Variants in VCPIP1 observed in about 807,000 individuals in gnomAD.
VCPIP1 encodes valosin containing protein interacting protein 1.
Under a neutral mutation model 85.0 loss-of-function variants are expected in VCPIP1, and 8 were observed. That is an observed-to-expected ratio of 0.09 (90% CI 0.06 to 0.17). The LOEUF is 0.17. Ranked by LOEUF, VCPIP1 falls within the 10% of genes least tolerant of loss-of-function variation. The pLI, the probability that VCPIP1 is intolerant of heterozygous loss-of-function variation, is 1.00. For synonymous variants in VCPIP1, 543 were observed against 544.5 expected (o/e 1.00, Z 0.04); for missense variants, 1,070 against 1,486.3 (o/e 0.72, Z 4.61).
intron 2 of VCPIP1, among the ~76,000 whole-genome samples, chr8:66,643,963 G>A (rs887562117): frequency 9.4e-5 from 14 of 148,962 alleles, no homozygotes; most frequent in African/African-American, 3.4e-4. Flanking sequence ...GACATTAAAA[G>A]GACAATAGGG....
chr8:66,645,441 G>T (rs1810985732), intron 2 of VCPIP1, among the ~76,000 whole-genome samples: 1 of 151,830 alleles, frequency 6.6e-6, no homozygotes, highest in African/African-American at 2.4e-5. Flanking sequence ...AAAAGAAAAA[G>T]AAAGCCAATT....
chr8:66,647,782 G>A (rs569400582), intron 2 of VCPIP1, among the ~76,000 whole-genome samples: 3 of 152,120 alleles, frequency 2.0e-5, no homozygotes, highest in South Asian at 4.1e-4. Context: ...ATTAAAAAAT[G>A]AACCTTAACT....
At chr8:66,651,994 C>T (rs1266029758) in intron 1 of VCPIP1, among the ~76,000 whole-genome samples, 2 of 140,664 alleles carry the variant, frequency 1.4e-5, no homozygotes, top group Admixed American at 7.4e-5. Flanking sequence ...GGCAACATGG[C>T]GAAACTCTAT....
At position 66,664,600 on chromosome 8, in the gene VCPIP1, A is replaced by T. The variant is rs1434711176; in HGVS notation, c.2359T>A (p.Ser787Thr). The T allele has an allele frequency of 6.2e-7, 1 of 1,614,120 alleles. No individual in the cohort carries two copies. Among genetic ancestry groups the T allele is most frequent in the Non-Finnish European group, 8.5e-7 (1 of 1,180,006 alleles). The change falls in exon 1 of 3, where the codon TCC becomes ACC. Residue 787 changes from serine (S) to threonine (T), a missense_variant. Ser to Thr is a moderately conservative substitution (Grantham distance 58, BLOSUM62 1). This residue lies in a region of VCPIP1 where 278 missense variants were observed against 298.5 expected (regional missense o/e 0.93). Coordinates refer to ENST00000310421, the MANE Select transcript of VCPIP1 (RefSeq NM_025054.5). ...IRITTNDGRQ[S>T]MVTLKSSTTF... Reference sequence around the variant, plus strand: ...GTTGAAGACTTAAGGGTAACCATGGACTGTCGTCCATCATTAGTTGTGATT... The same window carrying T: ...GTTGAAGACTTAAGGGTAACCATGGTCTGTCGTCCATCATTAGTTGTGATT...
intron 2 of VCPIP1, among the ~76,000 whole-genome samples, chr8:66,638,968 C>CTATATATATATATATA (rs1432062184): frequency 1.6e-5 from 2 of 127,030 alleles, no homozygotes; most frequent in African/African-American, 7.0e-5. Flanking sequence ...CTCTCTCTCT[C>CTATATATATATATATA]TCTATATATA....
intron 2 of VCPIP1, among the ~76,000 whole-genome samples, chr8:66,648,381 A>G (rs1177060293): frequency 1.3e-5 from 2 of 152,194 alleles, no homozygotes; most frequent in Non-Finnish European, 2.9e-5. Flanking sequence ...CTGTGCTCCA[A>G]TAAAACTGTC....
intron 2 of VCPIP1, 65 bp downstream of exon 2, chr8:66,651,393 C>A: frequency 8.1e-7 from 1 of 1,235,664 alleles, no homozygotes. Flanking sequence ...ACTATATGAA[C>A]TTTCTTAATC....
At chr8:66,641,609 C>A (rs1810948561) in intron 2 of VCPIP1, among the ~76,000 whole-genome samples, 1 of 152,166 alleles carries the variant, frequency 6.6e-6, no homozygotes, top group East Asian at 1.9e-4. Flanking sequence ...AGCAGTCATT[C>A]CCTCTACCTC....
At position 66,664,263 on chromosome 8, in the gene VCPIP1, A is replaced by G; in HGVS notation, c.2696T>C (p.Leu899Ser). The stretch of plus-strand genomic sequence containing the variant: ...ATTCATCTTACCCATTAATGTTGCT[A>G]AAAGACACAAGGAGTACATTTCTTT... ...AEKEMYSLCL[L>S]ATLMGEDVWS... Residue 899 changes from leucine to serine, a missense_variant, in exon 1 of 3, where the codon TTA becomes TCA. By Grantham distance (145) the Leu-to-Ser change is moderately radical. Transcript: ENST00000310421. 6.4e-7 allele frequency: 1 copy of G among 1,574,404 alleles called. No homozygotes were observed.
At chr8:66,638,549 G>A (rs972358008) in intron 2 of VCPIP1, among the ~76,000 whole-genome samples, 18 of 151,520 alleles carry the variant, frequency 1.2e-4, no homozygotes, top group African/African-American at 4.1e-4. Flanking sequence ...GGAGGCCAAG[G>A]CGGGTGGATC....
At position 66,630,692 on chromosome 8, in the gene VCPIP1, C is replaced by T. The variant is rs190699752; in HGVS notation, c.*3809G>A. The T allele has an allele frequency of 3.1e-4, 48 of 152,626 alleles. No individual in the cohort carries two copies. Among genetic ancestry groups the T allele is most frequent in the African/African-American group, 1.1e-3 (44 of 41,538 alleles). 9.5% of individuals were successfully genotyped at this position (152,626 alleles called of 1,614,324 possible). ...TAAATGTCAGATATACAAGTAATGG[C>T]ATTTTCTCCAATAATTCATAATTTT... On this transcript the variant is annotated 3_prime_UTR_variant, in exon 3 of 3. Transcript: ENST00000310421.
chr8:66,640,053 G>A (rs574281085), intron 2 of VCPIP1, among the ~76,000 whole-genome samples: 91 of 152,162 alleles, frequency 6.0e-4, no homozygotes, highest in African/African-American at 2.0e-3. Context: ...AGTTTACCTA[G>A]GTAACAAACC....
Position 66,664,430 on chromosome 8 carries a change from G to C in VCPIP1, c.2529C>G (p.Gly843=), listed in dbSNP as rs781152320. The change falls in exon 1 of 3, where the codon GGC becomes GGG. Residue 843 remains glycine (G), a synonymous_variant. Transcript: ENST00000310421. ...TTAGAATTTCTATTGTAATTCTGTC[G>C]CCATGCTGTAAAGGAACTGGTTCCT... ...MEKEPVPLQH[G]DRITIEILKS... The C allele has an allele frequency of 6.2e-7, 1 of 1,613,508 alleles. No individual in the cohort carries two copies.
At chr8:66,638,970 C>CTCTCTCTCTCTCTCTATATATA in intron 2 of VCPIP1, among the ~76,000 whole-genome samples, 4 of 118,424 alleles carry the variant, frequency 3.4e-5, no homozygotes, top group South Asian at 2.8e-4. Flanking sequence ...CTCTCTCTCT[C>CTCTCTCTCTCTCTCTATATATA]TATATATATA....
At position 66,639,458 on chromosome 8, in the gene VCPIP1, G is replaced by A. The variant is rs550252014; in HGVS notation, c.2798-4086C>T. On this transcript the variant is annotated intron_variant, in intron 2 of 2. Coordinates refer to ENST00000310421, the MANE Select transcript of VCPIP1 (RefSeq NM_025054.5). The stretch of plus-strand genomic sequence containing the variant: ...CAGCCTCCTCCTCCCAGGTTCAAGC[G>A]ATTCTCATGCCTCAGCCTCCTGGGT... Among the ~76,000 whole-genome samples the A allele has an allele frequency of 5.4e-5, 8 of 147,586 alleles. No homozygotes were observed. In the South Asian group the frequency reaches 1.3e-3, roughly 24 times the overall value.
At chr8:66,652,412 G>C (rs1049733956) in intron 1 of VCPIP1, among the ~76,000 whole-genome samples, 4 of 152,016 alleles carry the variant, frequency 2.6e-5, no homozygotes. Flanking sequence ...TCAGGAGTTC[G>C]AGACCAGCCT....
At chr8:66,646,811 T>C (rs1586624993) in intron 2 of VCPIP1, among the ~76,000 whole-genome samples, 1 of 150,698 alleles carries the variant, frequency 6.6e-6, no homozygotes, top group African/African-American at 2.4e-5. Flanking sequence ...AATAAATAAA[T>C]ACAGAAGTTC....
chr8:66,652,664 AATTTT>A (rs1346161908), intron 1 of VCPIP1, among the ~76,000 whole-genome samples: 1 of 152,064 alleles, frequency 6.6e-6, no homozygotes, highest in African/African-American at 2.4e-5. Context: ...TGTAAATATA[AATTTT>A]ATATTTATAT....
intron 2 of VCPIP1, among the ~76,000 whole-genome samples, chr8:66,648,642 C>T (rs1272494411): frequency 6.6e-6 from 1 of 152,038 alleles, no homozygotes; most frequent in Non-Finnish European, 1.5e-5. Flanking sequence ...ACTACCTCCA[C>T]CTCCTGGGTT....
Sources: gnomAD v4.1 joint callset for allele counts (sites outside exome capture counted in the v4.1 genomes callset) on GRCh38, gnomAD v4.1.1 for gene constraint, gnomAD v4.1.1 regional missense constraint, MANE v1.5 for transcripts, NCBI Gene and HGNC (gene_info 2026-07-23, HGNC 2026-07-21) for gene names.